Variants in UTRN observed in about 807,000 individuals in gnomAD.
The protein encoded by UTRN is utrophin.
In UTRN, 283 loss-of-function variants were observed where a neutral mutation model predicts 463.9. The ratio of observed to expected loss-of-function variants is 0.61; its 90% CI spans 0.55 to 0.67. The LOEUF (loss-of-function observed/expected upper bound fraction) is 0.67, where lower values mean the gene tolerates loss of function less well. UTRN is among the 30% of genes least tolerant of loss of function. UTRN has a pLI of 0.00. For missense variants in UTRN, 3,922 were observed against 4,084.3 expected, an observed-to-expected ratio of 0.96 and a Z score of 1.08; for synonymous variants, 1,442 against 1,431.5, an observed-to-expected ratio of 1.01 and a Z score of -0.17.
At chr6:144,451,522 G>A (rs757469963) in intron 18 of UTRN, 29 bp downstream of exon 18, 41 of 1,596,976 alleles carry the variant, frequency 2.6e-5, no homozygotes, top group Non-Finnish European at 3.2e-5. Flanking sequence ...ATATATCCTA[G>A]TGCATAAAAT....
intron 53 of UTRN, among the ~76,000 whole-genome samples, chr6:144,723,782 G>A (rs1316470956): frequency 1.3e-5 from 2 of 151,906 alleles, no homozygotes; most frequent in African/African-American, 4.8e-5. Flanking sequence ...TGGGTGGATT[G>A]CCCAAGCTCA....
chr6:144,330,436 A>G (rs1384261425), intron 2 of UTRN, among the ~76,000 whole-genome samples: 1 of 152,210 alleles, frequency 6.6e-6, no homozygotes, highest in Non-Finnish European at 1.5e-5. Flanking sequence ...ATGTAGGTTG[A>G]AAAATAGGTT....
At chr6:144,653,621 A>G (rs200594771) in intron 51 of UTRN, among the ~76,000 whole-genome samples, 1 of 151,616 alleles carries the variant, frequency 6.6e-6, no homozygotes, top group African/African-American at 2.4e-5. Flanking sequence ...TCTCTTTTCC[A>G]TAGTTGTACA....
intron 51 of UTRN, among the ~76,000 whole-genome samples, chr6:144,604,837 C>A (rs746174290): frequency 2.0e-5 from 3 of 152,020 alleles, no homozygotes; most frequent in Non-Finnish European, 2.9e-5. Flanking sequence ...ATCACTTGAA[C>A]GCGGGAGGCA....
intron 73 of UTRN, among the ~76,000 whole-genome samples, chr6:144,843,453 TAAAA>T (rs1019669121): frequency 2.0e-5 from 3 of 152,176 alleles, no homozygotes; most frequent in Admixed American, 6.6e-5. Context: ...AGAACATTAT[TAAAA>T]ATAAATAATC....
At chr6:144,745,075 AACTC>A (rs1452512028) in intron 54 of UTRN, among the ~76,000 whole-genome samples, 4 of 152,012 alleles carry the variant, frequency 2.6e-5, no homozygotes, top group African/African-American at 7.2e-5. Flanking sequence ...CAGCCTTAAA[AACTC>A]ACTCAGTCCC....
chr6:144,577,521 G>T (rs964783283), intron 51 of UTRN, among the ~76,000 whole-genome samples: 6 of 152,152 alleles, frequency 3.9e-5, no homozygotes, highest in Admixed American at 6.6e-5. Context: ...TGTTTATTTA[G>T]AGTTAGAGGC....
intron 3 of UTRN, among the ~76,000 whole-genome samples, chr6:144,420,240 A>G (rs1220336406): frequency 2.0e-5 from 3 of 152,252 alleles, no homozygotes; most frequent in East Asian, 1.9e-4. Context: ...AGATTTTATT[A>G]TATAAGGCAG....
chr6:144,339,926 G>A (rs1777015715), intron 2 of UTRN, among the ~76,000 whole-genome samples: 1 of 152,212 alleles, frequency 6.6e-6, no homozygotes, highest in South Asian at 2.1e-4. Context: ...CCAGGACTTT[G>A]GGAGGCCAAG....
At chr6:144,776,168 G>A (rs1050381704) in intron 60 of UTRN, among the ~76,000 whole-genome samples, 2 of 152,066 alleles carry the variant, frequency 1.3e-5, no homozygotes, top group African/African-American at 4.8e-5. Flanking sequence ...GAAATACCCT[G>A]ACCCTTTCTC....
intron 50 of UTRN, among the ~76,000 whole-genome samples, chr6:144,564,227 A>G (rs1800192133): frequency 6.6e-6 from 1 of 152,180 alleles, no homozygotes; most frequent in Non-Finnish European, 1.5e-5. Flanking sequence ...GGTAAGAGAA[A>G]TTAAAGAGGT....
chr6:144,352,975 C>T (rs1385513929), intron 2 of UTRN, among the ~76,000 whole-genome samples: 1 of 151,960 alleles, frequency 6.6e-6, no homozygotes, highest in Non-Finnish European at 1.5e-5. Context: ...CAGGGTCTTG[C>T]TCTGTCAACC....
At chr6:144,288,758 T>C (rs1014338829) in intron 1 of UTRN, among the ~76,000 whole-genome samples, 178 of 140,380 alleles carry the variant, frequency 1.3e-3, no homozygotes, top group Non-Finnish European at 1.5e-3. Flanking sequence ...CTCTCTCTCT[T>C]TTTTTTTTTT....
rs982659267 is a variant in UTRN, at chr6:144,557,021, G to T, written c.7135-136G>T. The T allele has an allele frequency of 1.5e-5, 17 of 1,106,076 alleles. No homozygotes were observed. The African/African-American group carries it at 2.7e-4, about 18-fold the overall frequency. The allele number at this position is 1,106,076 out of a possible 1,614,324, so 68.5% of individuals were successfully genotyped here. A position where few individuals can be genotyped will look rare whatever the true frequency, so the allele number is the denominator to read the frequency against. On this transcript the variant is annotated intron_variant, in intron 49 of 74. Transcript: ENST00000367545. ...GTTTAAGCTTACATATAACAAAAGG[G>T]TTTGCCCCCAGTCTGTTTTCATCCT... is the stretch of plus-strand genomic sequence containing the variant.
In UTRN at chr6:144,363,375, G is replaced by A. The variant is rs149442136; in HGVS notation, c.80-39748G>A. 5.4e-3 allele frequency among the ~76,000 whole-genome samples: 830 copies of A among 152,314 alleles called. 5 individuals carry two copies. Among genetic ancestry groups the A allele is most frequent in the Middle Eastern group, 0.014 (4 of 294 alleles). ...TTGAAATTGACGCACAGAGAGCTTGGTTTTCCAGAACTGGTGAGGTGTAAG... is the reference window on the plus strand; with the variant it reads ...TTGAAATTGACGCACAGAGAGCTTGATTTTCCAGAACTGGTGAGGTGTAAG... On this transcript the variant is annotated intron_variant, in intron 2 of 74. Coordinates refer to ENST00000367545, the MANE Select transcript of UTRN (RefSeq NM_007124.3).
chr6:144,493,598 T>A (rs369245276), intron 33 of UTRN, 142 bp downstream of exon 33: 2 of 856,872 alleles, frequency 2.3e-6, no homozygotes, highest in African/African-American at 1.7e-5. Flanking sequence ...GATTCATACG[T>A]GTTTTCAATT....
intron 69 of UTRN, among the ~76,000 whole-genome samples, chr6:144,830,785 T>C (rs1437184964): frequency 6.6e-6 from 1 of 152,088 alleles, no homozygotes; most frequent in African/African-American, 2.4e-5. Context: ...GTATTTAATG[T>C]GTGGCCCAAG....
chr6:144,651,272 A>C (rs1238914317), intron 51 of UTRN, among the ~76,000 whole-genome samples: 2 of 152,144 alleles, frequency 1.3e-5, no homozygotes, highest in African/African-American at 4.8e-5. Flanking sequence ...AGAAAGTCTT[A>C]ATTGTCCTGT....
At chr6:144,508,592 A>T (rs1197863803) in intron 34 of UTRN, among the ~76,000 whole-genome samples, 1 of 152,142 alleles carries the variant, frequency 6.6e-6, no homozygotes, top group Non-Finnish European at 1.5e-5. Context: ...AGATGAACCA[A>T]GTACCTCTGT....
Sources: gnomAD v4.1 joint callset for allele counts (sites outside exome capture counted in the v4.1 genomes callset) on GRCh38, gnomAD v4.1.1 for gene constraint, MANE v1.5 for transcripts, NCBI Gene and HGNC (gene_info 2026-07-23, HGNC 2026-07-21) for gene names.